Variants in KSR2 observed in about 807,000 individuals in gnomAD.
KSR2 encodes kinase suppressor of ras 2.
A neutral mutation model predicts 107.8 loss-of-function variants in KSR2; 25 were observed. The ratio of observed to expected loss-of-function variants is 0.23; its 90% CI spans 0.17 to 0.32. The LOEUF (loss-of-function observed/expected upper bound fraction) is 0.32. Ranked by LOEUF, KSR2 falls within the 10% of genes least tolerant of loss-of-function variation. The probability of loss-of-function intolerance (pLI) is 1.00; values close to 1 mark genes in which losing one functional copy is unlikely to be tolerated. For missense variants in KSR2, 887 were observed against 1,268.9 expected, an observed-to-expected ratio of 0.70 and a Z score of 4.57; for synonymous variants, 480 against 507.0, an observed-to-expected ratio of 0.95 and a Z score of 0.71.
At chr12:117,671,403 A>AT (rs1884901961) in intron 4 of KSR2, among the ~76,000 whole-genome samples, 1 of 152,048 alleles carries the variant, frequency 6.6e-6, no homozygotes, top group Non-Finnish European at 1.5e-5. Context: ...ACAGTTTCCT[A>AT]TTTTTTCAGA....
At chr12:117,761,828 T>G (rs1465351557) in intron 3 of KSR2, among the ~76,000 whole-genome samples, 1 of 152,208 alleles carries the variant, frequency 6.6e-6, no homozygotes, top group Non-Finnish European at 1.5e-5. Flanking sequence ...TCTGTTATGT[T>G]GTATGCATGT....
chr12:117,916,135 C>CTTTTT (rs34082573), intron 1 of KSR2, among the ~76,000 whole-genome samples: 8 of 105,426 alleles, frequency 7.6e-5, no homozygotes, highest in African/African-American at 1.2e-4. Flanking sequence ...ATTTCTTCTT[C>CTTTTT]TTTTTTTTTT....
intron 5 of KSR2, among the ~76,000 whole-genome samples, chr12:117,633,830 G>A (rs1488729858): frequency 2.6e-5 from 4 of 152,130 alleles, no homozygotes; most frequent in South Asian, 4.1e-4. Flanking sequence ...TACTCAACCC[G>A]GTACAGGGAG....
intron 7 of KSR2, among the ~76,000 whole-genome samples, chr12:117,576,588 C>T (rs1468302244): frequency 6.6e-6 from 1 of 152,160 alleles, no homozygotes; most frequent in Non-Finnish European, 1.5e-5. Flanking sequence ...ACCTCAAGCT[C>T]CTGGGCTCAA....
At chr12:117,595,316 G>A (rs1880566738) in intron 5 of KSR2, among the ~76,000 whole-genome samples, 2 of 149,000 alleles carry the variant, frequency 1.3e-5, no homozygotes, top group Admixed American at 1.3e-4. Flanking sequence ...ATTCACACCA[G>A]TGCCACAAAG....
At chr12:117,533,663 C>T (rs555932992) in intron 10 of KSR2, among the ~76,000 whole-genome samples, 5 of 152,256 alleles carry the variant, frequency 3.3e-5, no homozygotes, top group South Asian at 2.1e-4. Context: ...AAAGACGACC[C>T]GAGGCTCTCA....
chr12:117,952,688 C>T (rs115088053), intron 1 of KSR2, among the ~76,000 whole-genome samples: 1,548 of 151,056 alleles, frequency 0.01, 33 homozygotes, highest in African/African-American at 0.036. Flanking sequence ...ACAACAACAA[C>T]AACAACAACT....
intron 5 of KSR2, among the ~76,000 whole-genome samples, chr12:117,607,457 A>G (rs1881336863): frequency 6.6e-6 from 1 of 152,172 alleles, no homozygotes; most frequent in Non-Finnish European, 1.5e-5. Flanking sequence ...GCAGCCTCCG[A>G]ACTGCCGAGT....
intron 4 of KSR2, among the ~76,000 whole-genome samples, chr12:117,699,688 G>C (rs1886220788): frequency 6.6e-6 from 1 of 152,170 alleles, no homozygotes; most frequent in East Asian, 1.9e-4. Context: ...AAGTTGCTCT[G>C]GGTGAGTCAG....
At chr12:117,946,514 C>G (rs1190223861) in intron 1 of KSR2, among the ~76,000 whole-genome samples, 1 of 152,110 alleles carries the variant, frequency 6.6e-6, no homozygotes, top group Non-Finnish European at 1.5e-5. Context: ...AAGCCACAAA[C>G]TACCAAAATT....
At chr12:117,906,716 T>C (rs1343278326) in intron 1 of KSR2, among the ~76,000 whole-genome samples, 2 of 152,112 alleles carry the variant, frequency 1.3e-5, no homozygotes, top group Non-Finnish European at 2.9e-5. Context: ...TTCTCAGTGT[T>C]CAGTGAGCAT....
chr12:117,823,132 T>C (rs1374475120), intron 3 of KSR2, among the ~76,000 whole-genome samples: 6 of 142,148 alleles, frequency 4.2e-5, no homozygotes, highest in African/African-American at 1.0e-4. Flanking sequence ...AAAAAAAAAG[T>C]GTGGCTGGAG....
At chr12:117,860,049 G>A (rs1468340225) in intron 2 of KSR2, among the ~76,000 whole-genome samples, 1 of 152,232 alleles carries the variant, frequency 6.6e-6, no homozygotes, top group Non-Finnish European at 1.5e-5. Context: ...TTTGGCCAAG[G>A]TGACTCTGTG....
chr12:117,876,544 T>C (rs1005384362), intron 1 of KSR2, among the ~76,000 whole-genome samples: 1 of 151,820 alleles, frequency 6.6e-6, no homozygotes, highest in Non-Finnish European at 1.5e-5. Flanking sequence ...TTACAAACAA[T>C]AGAAAAAAGG....
At chr12:117,636,283 G>A (rs555184376) in intron 5 of KSR2, among the ~76,000 whole-genome samples, 13 of 151,632 alleles carry the variant, frequency 8.6e-5, no homozygotes, top group Admixed American at 3.3e-4. Flanking sequence ...CTGCACTCCC[G>A]TGTTTGTTGG....
chr12:117,619,603 G>T (rs1882068348), intron 5 of KSR2, among the ~76,000 whole-genome samples: 3 of 151,140 alleles, frequency 2.0e-5, no homozygotes, highest in Non-Finnish European at 4.4e-5. Context: ...TCTTAATCCA[G>T]TCTATCATTG....
At chr12:117,573,932 A>G (rs896721037) in intron 7 of KSR2, among the ~76,000 whole-genome samples, 4 of 152,226 alleles carry the variant, frequency 2.6e-5, no homozygotes, top group Admixed American at 6.5e-5. Flanking sequence ...AGTGAAGCTA[A>G]AGCGTGTAAG....
chr12:117,861,389 T>TC lies in KSR2; in HGVS notation c.181-959_181-958insG, dbSNP rs1188985365. ...GGACTCCCAATTCGCTTTTTTTTTTTTTTTTTTTTTTTTTTTTGAGATGGA... is the reference window on the plus strand; with the variant it reads ...GGACTCCCAATTCGCTTTTTTTTTTTCTTTTTTTTTTTTTTTTTGAGATGGA... On this transcript the variant is annotated intron_variant, in intron 1 of 19. Transcript: ENST00000339824. 2.0e-4 allele frequency among the ~76,000 whole-genome samples: 26 copies of TC among 131,314 alleles called. 1 individual carries two copies. The highest frequency in any genetic ancestry group is 7.3e-4 in the African/African-American group (25 of 34,026). The allele number at this position is 131,314 out of a possible 152,430, so 86.1% of individuals were successfully genotyped here. A position where few individuals can be genotyped will look rare whatever the true frequency, so the allele number is the denominator to read the frequency against.
intron 2 of KSR2, among the ~76,000 whole-genome samples, chr12:117,859,454 T>A (rs1257805257): frequency 7.4e-6 from 1 of 134,824 alleles, no homozygotes; most frequent in Non-Finnish European, 1.5e-5. Flanking sequence ...TTTTTTGTTT[T>A]TTATTTATTT....
Sources: allele counts gnomAD v4.1 joint callset (sites outside exome capture counted in the v4.1 genomes callset), GRCh38; gene constraint gnomAD v4.1.1; transcripts MANE v1.5; gene names NCBI Gene and HGNC (gene_info 2026-07-23, HGNC 2026-07-21).